Variants in BABAM2 observed in about 807,000 individuals in gnomAD.
BABAM2 encodes the protein BRISC and BRCA1-A complex member 2.
Under a neutral mutation model 54.7 loss-of-function variants are expected in BABAM2, and 31 were observed. The ratio of observed to expected loss-of-function variants is 0.57; its 90% confidence interval spans 0.43 to 0.77. BABAM2 has a LOEUF of 0.77. Among genes scored for constraint, BABAM2 ranks in the 30% least tolerant of loss-of-function variants. The pLI, the probability that BABAM2 is intolerant of heterozygous loss-of-function variation, is 0.00. For missense variants in BABAM2, 364 were observed against 455.8 expected (o/e 0.80, Z 1.83); for synonymous variants, 167 against 162.9 (o/e 1.03, Z -0.19).
At chr2:27,953,580 C>T (rs1205115069) in intron 3 of BABAM2, among the ~76,000 whole-genome samples, 2 of 151,874 alleles carry the variant, frequency 1.3e-5, no homozygotes, top group African/African-American at 4.8e-5. Flanking sequence ...GCATGAACCA[C>T]CGCACTGGGC....
intron 5 of BABAM2, among the ~76,000 whole-genome samples, chr2:28,026,874 T>TAA (rs1491247257): frequency 4.2e-5 from 2 of 47,538 alleles, no homozygotes; most frequent in South Asian, 7.9e-4. Context: ...ATATATATAT[T>TAA]TATATATATA....
intron 2 of BABAM2, among the ~76,000 whole-genome samples, chr2:27,900,919 TA>T (rs1057359596): frequency 2.6e-4 from 39 of 151,732 alleles, no homozygotes; most frequent in African/African-American, 8.7e-4. Context: ...AGCGGGTGCC[TA>T]TAGTCCCAGC....
intron 7 of BABAM2, among the ~76,000 whole-genome samples, chr2:28,164,867 G>A (rs1673475223): frequency 6.6e-6 from 1 of 152,126 alleles, no homozygotes; most frequent in Non-Finnish European, 1.5e-5. Context: ...CATGGTTTCA[G>A]ATTTTCCCGT....
intron 7 of BABAM2, among the ~76,000 whole-genome samples, chr2:28,204,416 T>G (rs1362073581): frequency 6.6e-6 from 1 of 152,136 alleles, no homozygotes; most frequent in Non-Finnish European, 1.5e-5. Flanking sequence ...GCAGAGTGAA[T>G]TTTCTGCAAA....
At chr2:28,224,226 A>C (rs945292766) in intron 7 of BABAM2, among the ~76,000 whole-genome samples, 23 of 152,380 alleles carry the variant, frequency 1.5e-4, no homozygotes, top group African/African-American at 5.3e-4. Flanking sequence ...AATATTAGAA[A>C]CATTAACTAT....
chr2:28,267,602 A>T (rs1685095604), intron 10 of BABAM2, among the ~76,000 whole-genome samples: 1 of 152,236 alleles, frequency 6.6e-6, no homozygotes, highest in South Asian at 2.1e-4. Context: ...TATGGATGAA[A>T]GGAGGACTCT....
chr2:27,895,557 T>TA (rs1311559703), intron 2 of BABAM2, among the ~76,000 whole-genome samples: 2 of 152,254 alleles, frequency 1.3e-5, no homozygotes, highest in Admixed American at 6.5e-5. Flanking sequence ...GCCTTTTTAC[T>TA]ACTAAGTTAA....
chr2:28,174,568 T>C (rs949572729), intron 7 of BABAM2, among the ~76,000 whole-genome samples: 6 of 146,672 alleles, frequency 4.1e-5, no homozygotes, highest in Non-Finnish European at 7.6e-5. Context: ...CCTGAGAGGC[T>C]CCTCAGTGTG....
intron 6 of BABAM2, among the ~76,000 whole-genome samples, chr2:28,122,029 A>G (rs945584453): frequency 5.9e-5 from 9 of 152,150 alleles, no homozygotes; most frequent in African/African-American, 1.4e-4. Flanking sequence ...CCTGGCTAAC[A>G]TGATGAAACC....
intron 2 of BABAM2, among the ~76,000 whole-genome samples, chr2:27,929,126 G>T (rs1667922383): frequency 6.6e-6 from 1 of 151,974 alleles, no homozygotes; most frequent in African/African-American, 2.4e-5. Context: ...GCTGAAGTGG[G>T]AGGAGCTTGA....
At chr2:27,919,306 A>G (rs953878142) in intron 2 of BABAM2, among the ~76,000 whole-genome samples, 1 of 152,196 alleles carries the variant, frequency 6.6e-6, no homozygotes, top group African/African-American at 2.4e-5. Flanking sequence ...TTTCTGCAAA[A>G]AAGTAAGTTC....
intron 7 of BABAM2, among the ~76,000 whole-genome samples, chr2:28,133,684 T>C (rs938620399): frequency 2.0e-5 from 3 of 152,204 alleles, no homozygotes; most frequent in Non-Finnish European, 2.9e-5. Flanking sequence ...GGCAAAGATA[T>C]TATACTCACG....
intron 10 of BABAM2, among the ~76,000 whole-genome samples, chr2:28,263,617 T>G (rs1684730441): frequency 6.6e-6 from 1 of 152,222 alleles, no homozygotes; most frequent in Admixed American, 6.5e-5. Flanking sequence ...TAGTACCATT[T>G]TCTGGGTAAG....
chr2:28,200,593 A>C (rs925940534), intron 7 of BABAM2, among the ~76,000 whole-genome samples: 3 of 152,226 alleles, frequency 2.0e-5, no homozygotes, highest in African/African-American at 7.2e-5. Context: ...TATAAGTAAT[A>C]GTTTAAATAA....
intron 10 of BABAM2, among the ~76,000 whole-genome samples, chr2:28,258,621 T>TTTTTTTTC (rs1223054399): frequency 6.3e-5 from 8 of 126,626 alleles, no homozygotes; most frequent in African/African-American, 1.2e-4. Context: ...TTTTCTTTTT[T>TTTTTTTTC]TTTTTTTTTT....
chr2:28,332,972 GC>G, intron 11 of BABAM2, among the ~76,000 whole-genome samples: 1 of 152,176 alleles, frequency 6.6e-6, no homozygotes, highest in East Asian at 1.9e-4. Flanking sequence ...GATCCAAGGA[GC>G]CTCGGGAAAG....
At chr2:27,960,104 A>C (rs926801186) in intron 3 of BABAM2, among the ~76,000 whole-genome samples, 2 of 151,954 alleles carry the variant, frequency 1.3e-5, no homozygotes, top group Non-Finnish European at 2.9e-5. Flanking sequence ...TATTGTTTAG[A>C]TCTGTCGTGT....
intron 6 of BABAM2, among the ~76,000 whole-genome samples, chr2:28,057,598 T>C: frequency 6.6e-6 from 1 of 152,192 alleles, no homozygotes; most frequent in Non-Finnish European, 1.5e-5. Context: ...CCGGTTTGTT[T>C]CTGTCATCTG....
chr2:28,219,670 A>C (rs951283398), intron 7 of BABAM2, among the ~76,000 whole-genome samples: 4 of 151,968 alleles, frequency 2.6e-5, no homozygotes, highest in Non-Finnish European at 5.9e-5. Flanking sequence ...AAAAAAAAAA[A>C]CCGGGTAGAG....
Sources: allele counts gnomAD v4.1 joint callset (sites outside exome capture counted in the v4.1 genomes callset), GRCh38; gene constraint gnomAD v4.1.1; transcripts MANE v1.5; gene names NCBI Gene and HGNC (gene_info 2026-07-23, HGNC 2026-07-21).